ACAD10: variants seen among roughly 807,000 people sequenced by gnomAD.
The protein encoded by ACAD10 is ACAD-10.
A neutral mutation model predicts 116.8 loss-of-function variants in ACAD10; 112 were observed. The ratio of observed to expected loss-of-function variants is 0.96; its 90% CI spans 0.82 to 1.12. The LOEUF (loss-of-function observed/expected upper bound fraction) is 1.12. Ranked by LOEUF, ACAD10 falls within the 50% of genes most tolerant of loss-of-function variation. The probability of loss-of-function intolerance (pLI) is 0.00; values close to 1 mark genes in which losing one functional copy is unlikely to be tolerated. For synonymous variants in ACAD10, 486 were observed against 510.6 expected, an observed-to-expected ratio of 0.95 and a Z score of 0.65; for missense variants, 1,259 against 1,350.2, an observed-to-expected ratio of 0.93 and a Z score of 1.06.
intron 12 of ACAD10, among the ~76,000 whole-genome samples, chr12:111,743,477 C>T (rs759372414): frequency 2.0e-4 from 30 of 151,558 alleles, no homozygotes; most frequent in South Asian, 4.2e-4. Context: ...GCTGGGACTA[C>T]AGGCATGTGC....
At chr12:111,724,290 G>A (rs1889146230) in intron 8 of ACAD10, among the ~76,000 whole-genome samples, 2 of 151,890 alleles carry the variant, frequency 1.3e-5, no homozygotes, top group African/African-American at 2.4e-5. Flanking sequence ...ATGGGATGGC[G>A]GCGGGGCGGA....
At chr12:111,709,746 G>A in intron 5 of ACAD10, 62 bp downstream of exon 5, 1 of 1,470,118 alleles carries the variant, frequency 6.8e-7, no homozygotes, top group Non-Finnish European at 9.2e-7. Context: ...ATGTTTCTCT[G>A]TAATCTTTTT....
At chr12:111,738,656 T>C (rs1047284303) in intron 12 of ACAD10, among the ~76,000 whole-genome samples, 3 of 151,774 alleles carry the variant, frequency 2.0e-5, no homozygotes, top group Non-Finnish European at 4.4e-5. Context: ...CACTTGAGGT[T>C]AGGGATTCAA....
rs1889898431 is a variant in ACAD10, at chr12:111,746,308, A to G, written c.2256+24A>G. On this transcript the variant is annotated intron_variant, in intron 14 of 20. Coordinates refer to ENST00000313698, the MANE Select transcript of ACAD10 (RefSeq NM_025247.6). ...AGGTACCTTCTTTAAAGTTTTCCTC[A>G]GTGTGTGGGAACATCCTGATCTTCA... is the stretch of plus-strand genomic sequence containing the variant. 1 of 1,603,698 alleles carries G rather than the reference A, an allele frequency of 6.2e-7. No individual in the cohort carries two copies. Among genetic ancestry groups the G allele is most frequent in the Non-Finnish European group, 8.5e-7 (1 of 1,176,236 alleles).
At chr12:111,746,096 A>C (rs527639677) in intron 13 of ACAD10, 48 bp from the exon 14 acceptor site, 5 of 1,594,532 alleles carry the variant, frequency 3.1e-6, no homozygotes, top group Non-Finnish European at 4.3e-6. Context: ...GTTCAAAATA[A>C]AATGAAATCT....
chr12:111,747,481 A>C lies in ACAD10; in HGVS notation c.2485+96A>C, dbSNP rs1889945823. 7 of 1,579,652 alleles carry C rather than the reference A, an allele frequency of 4.4e-6. No homozygotes were observed. In the African/African-American group the frequency reaches 9.5e-5, roughly 21 times the overall value. On this transcript the variant is annotated intron_variant, in intron 16 of 20. Transcript: ENST00000313698. ...CCTGGGAGGAGCCTCTGCTTTTTCA[A>C]GTTGACACAAAGGAGATTCTGTCAC...
intron 2 of ACAD10, among the ~76,000 whole-genome samples, chr12:111,697,020 G>T (rs1888206718): frequency 6.6e-6 from 1 of 151,458 alleles, no homozygotes; most frequent in Non-Finnish European, 1.5e-5. Flanking sequence ...GGCAGAGCTT[G>T]CAGTGAGCCT....
intron 16 of ACAD10, chr12:111,747,687 A>G: frequency 5.9e-6 from 7 of 1,178,938 alleles, no homozygotes; most frequent in Non-Finnish European, 7.4e-6. Flanking sequence ...TGCTTTGGGC[A>G]GCTCCCCTTC....
intron 7 of ACAD10, among the ~76,000 whole-genome samples, chr12:111,719,579 G>A (rs1299776156): frequency 6.6e-6 from 1 of 151,460 alleles, no homozygotes; most frequent in Non-Finnish European, 1.5e-5. Context: ...TGAGATGCAG[G>A]TTTGCTCTTG....
chr12:111,751,723 T>C (rs914067748), intron 18 of ACAD10, among the ~76,000 whole-genome samples: 1 of 148,154 alleles, frequency 6.7e-6, no homozygotes, highest in Non-Finnish European at 1.5e-5. Flanking sequence ...AAAGCAAGAC[T>C]CCATCTCAAA....
intron 2 of ACAD10, among the ~76,000 whole-genome samples, chr12:111,697,617 C>T (rs1406253584): frequency 2.2e-5 from 3 of 137,832 alleles, no homozygotes; most frequent in Admixed American, 7.7e-5. Context: ...CAGAGTCTTG[C>T]TCTGTCGCCC....
rs149335625 is a variant in ACAD10 at position 111,705,749 on chromosome 12, C to A, written c.348C>A (p.Ser116=). The A allele has an allele frequency of 1.2e-6, 2 of 1,614,040 alleles. No individual in the cohort carries two copies. The stretch of plus-strand genomic sequence containing the variant: ...TCTCCTGTTCTTAGTTAAAGACCTC[C>A]GTGCCTGTGGACTCATTTTTCTCTC... ...GRLCSEMLKT[S]VPVDSFFSLL... is the part of the protein sequence containing the mutation. The change falls in exon 4 of 21, where the codon TCC becomes TCA. Residue 116 remains serine (S), a synonymous_variant. Coordinates refer to ENST00000313698, the MANE Select transcript of ACAD10 (RefSeq NM_025247.6).
intron 1 of ACAD10, 107 bp from the exon 2 acceptor site, chr12:111,692,586 CCTGT>C (rs1286231246): frequency 9.4e-7 from 1 of 1,061,004 alleles, no homozygotes; most frequent in African/African-American, 1.6e-5. Context: ...ATTCGAAGTG[CCTGT>C]TGGAGATGGG....
At chr12:111,726,833 C>T (rs1432872205) in intron 8 of ACAD10, among the ~76,000 whole-genome samples, 1 of 152,028 alleles carries the variant, frequency 6.6e-6, no homozygotes, top group Non-Finnish European at 1.5e-5. Flanking sequence ...TGCACTTCAG[C>T]CTAGGCAACA....
Position 111,712,416 on chromosome 12 carries a change from A to C in ACAD10, c.691-82A>C, listed in dbSNP as rs371197861. ...TGTAAAATTAAAAATATATACGTGT[A>C]TATATTCTCAACATCCTGTGAAAGG... On this transcript the variant is annotated intron_variant, in intron 5 of 20. Coordinates refer to ENST00000313698, the MANE Select transcript of ACAD10 (RefSeq NM_025247.6). 2.9e-5 allele frequency: 38 copies of C among 1,293,984 alleles called. 2 individuals carry two copies. In the South Asian group the frequency reaches 5.0e-4, roughly 17 times the overall value. 80.2% of individuals were successfully genotyped at this position (1,293,984 alleles called of 1,614,324 possible). A position where few individuals can be genotyped will look rare whatever the true frequency, so the allele number is the denominator to read the frequency against.
intron 17 of ACAD10, chr12:111,748,845 C>CTAA (rs1566168757): frequency 2.7e-6 from 2 of 738,636 alleles, no homozygotes; most frequent in Non-Finnish European, 4.3e-6. Context: ...TGGTTCTCTG[C>CTAA]TAATAGTGTT....
At chr12:111,721,974 A>T (rs1046128455) in intron 8 of ACAD10, 3 of 355,958 alleles carry the variant, frequency 8.4e-6, no homozygotes, top group African/African-American at 2.1e-5. Flanking sequence ...CAAAAAATAC[A>T]TATTAATCTA....
At chr12:111,697,834 T>C (rs1171421425) in intron 2 of ACAD10, among the ~76,000 whole-genome samples, 1 of 152,022 alleles carries the variant, frequency 6.6e-6, no homozygotes. Flanking sequence ...TCCGCCCGCC[T>C]TGGCCTCCCA....
intron 7 of ACAD10, among the ~76,000 whole-genome samples, chr12:111,717,295 T>A (rs1888871820): frequency 6.7e-6 from 1 of 150,242 alleles, no homozygotes; most frequent in African/African-American, 2.5e-5. Flanking sequence ...GAAGCAGAGG[T>A]TGTAGTGAGC....
Sources: allele counts gnomAD v4.1 joint callset (sites outside exome capture counted in the v4.1 genomes callset), GRCh38; gene constraint gnomAD v4.1.1; transcripts MANE v1.5; gene names NCBI Gene and HGNC (gene_info 2026-07-23, HGNC 2026-07-21).